The following LRP2 variants were observed in gnomAD, a reference collection of about 807,000 sequenced individuals.
LRP2 encodes the protein low-density lipoprotein receptor-related protein 2.
LRP2 carries 172 observed loss-of-function variants against 531.0 expected under a neutral mutation model. That is an observed-to-expected ratio of 0.32 (90% CI 0.29 to 0.37). The LOEUF (loss-of-function observed/expected upper bound fraction) is 0.37, where lower values mean the gene tolerates loss of function less well. LRP2 is among the 10% of genes least tolerant of loss of function. The probability of loss-of-function intolerance (pLI) is 1.00; values close to 1 mark genes in which losing one functional copy is unlikely to be tolerated. For missense variants in LRP2, 5,167 were observed against 5,868.3 expected (o/e 0.88, Z 3.90); for synonymous variants, 1,992 against 2,027.6 (o/e 0.98, Z 0.47).
chr2:169,177,722 C>A, intron 53 of LRP2, 81 bp downstream of exon 53: 1 of 1,218,390 alleles, frequency 8.2e-7, no homozygotes, highest in Non-Finnish European at 1.2e-6. Context: ...TTTTGTAAAT[C>A]ACGAAGTTCA....
rs751754104 is a variant in LRP2 at position 169,142,824 on chromosome 2, C to T, written c.12989-31G>A. ...AAGCGGGTGAGAACAGCAGTTAGGT[C>T]CTGACAGAATGAATAACCTGAATAC... On this transcript the variant is annotated intron_variant, in intron 70 of 78. Coordinates refer to ENST00000649046, the MANE Select transcript of LRP2 (RefSeq NM_004525.3). 3.1e-6 allele frequency: 5 copies of T among 1,612,688 alleles called. No homozygotes were observed. In the African/African-American group the frequency reaches 5.3e-5, roughly 17 times the overall value.
chr2:169,271,100 C>T lies in LRP2; in HGVS notation c.2124G>A (p.Gln708=). Residue 708 remains glutamine, a synonymous_variant, in exon 16 of 79, where the codon CAG becomes CAA. Transcript: ENST00000649046. ...CTTGGGATGAAAAAATGAGGAAATTCTGAACAGCTGTAGGAAGAATAACAC... is the reference window on the plus strand; with the variant it reads ...CTTGGGATGAAAAAATGAGGAAATTTTGAACAGCTGTAGGAAGAATAACAC... ...DTDERHCIAV[Q]NFLIFSSQVA... is the part of the protein sequence containing the mutation. 6.2e-7 allele frequency: 1 copy of T among 1,611,744 alleles called. No homozygotes were observed. The highest frequency in any genetic ancestry group is 1.7e-5 in the Admixed American group (1 of 59,830).
At chr2:169,239,212 T>C (rs990774480) in intron 26 of LRP2, among the ~76,000 whole-genome samples, 1 of 152,230 alleles carries the variant, frequency 6.6e-6, no homozygotes, top group Non-Finnish European at 1.5e-5. Context: ...CAATTAAGCA[T>C]TATATAAAGA....
intron 68 of LRP2, among the ~76,000 whole-genome samples, chr2:169,150,097 T>C (rs1269966976): frequency 6.6e-6 from 1 of 152,204 alleles, no homozygotes; most frequent in Non-Finnish European, 1.5e-5. Flanking sequence ...GTCAAGTATT[T>C]TTCATATTTC....
At chr2:169,219,799 C>T (rs1688923647) in intron 34 of LRP2, among the ~76,000 whole-genome samples, 2 of 148,922 alleles carry the variant, frequency 1.3e-5, no homozygotes, top group South Asian at 2.2e-4. Flanking sequence ...CCCCCTATAA[C>T]TAAAATAAAA....
intron 9 of LRP2, among the ~76,000 whole-genome samples, chr2:169,286,237 G>T (rs1343474298): frequency 1.3e-5 from 2 of 152,242 alleles, no homozygotes; most frequent in Non-Finnish European, 2.9e-5. Flanking sequence ...TCTGCAGGTG[G>T]CAGGAGGCCT....
intron 46 of LRP2, among the ~76,000 whole-genome samples, chr2:169,194,832 T>C (rs1243905899): frequency 6.7e-6 from 1 of 150,206 alleles, no homozygotes; most frequent in Non-Finnish European, 1.5e-5. Flanking sequence ...GTGATTCTCC[T>C]GCCTGAGTAG....
chr2:169,346,899 G>A (rs530995120), intron 1 of LRP2, among the ~76,000 whole-genome samples: 2 of 152,258 alleles, frequency 1.3e-5, no homozygotes, highest in East Asian at 3.9e-4. Context: ...CTAACTAGAG[G>A]AAGGACAGCC....
chr2:169,137,649 C>CAAAA (rs1160173051), intron 75 of LRP2, among the ~76,000 whole-genome samples, 156 bp from the exon 76 acceptor site: 1 of 45,488 alleles, frequency 2.2e-5, no homozygotes, highest in African/African-American at 6.9e-5. Flanking sequence ...AGAGAACTTG[C>CAAAA]AAAAAAAAAA....
chr2:169,320,818 C>T lies in LRP2; in HGVS notation c.146G>A (p.Gly49Glu), dbSNP rs778689139. ...HCIPADWRCD[G>E]TKDCSDDADE... Reference sequence around the variant, plus strand: ...CGCGTCATCTGAACAGTCTTTGGTCCCATCACACCTCCAGTCTGCAGGGAT... The same window carrying T: ...CGCGTCATCTGAACAGTCTTTGGTCTCATCACACCTCCAGTCTGCAGGGAT... Residue 49 changes from glycine (G) to glutamate (E), a missense_variant, in exon 2 of 79, where the codon GGG becomes GAG. This residue lies in a region of LRP2 where 2,811 missense variants were observed against 3,058.0 expected (regional missense o/e 0.92). Coordinates refer to ENST00000649046, the MANE Select transcript of LRP2 (RefSeq NM_004525.3). 7 of 1,614,140 alleles carry T rather than the reference C, an allele frequency of 4.3e-6. No homozygotes were observed. The East Asian group carries it at 1.3e-4, about 31-fold the overall frequency.
intron 19 of LRP2, among the ~76,000 whole-genome samples, chr2:169,255,666 T>A (rs1690276322): frequency 6.6e-6 from 1 of 152,184 alleles, no homozygotes; most frequent in South Asian, 2.1e-4. Context: ...ATATGTGTAA[T>A]CGTTTTTTCC....
At chr2:169,350,076 GT>G (rs1459835823) in intron 1 of LRP2, among the ~76,000 whole-genome samples, 8 of 152,318 alleles carry the variant, frequency 5.3e-5, no homozygotes, top group African/African-American at 1.7e-4. Context: ...GTGAAAAGTA[GT>G]TGGATTCTAG....
intron 9 of LRP2, among the ~76,000 whole-genome samples, chr2:169,284,346 C>A (rs1210878312): frequency 2.2e-5 from 3 of 138,478 alleles, no homozygotes; most frequent in Non-Finnish European, 3.0e-5. Context: ...CTCACTGCAA[C>A]CTCCGCCTCC....
At chr2:169,222,487 C>T (rs1689055011) in intron 33 of LRP2, among the ~76,000 whole-genome samples, 1 of 152,110 alleles carries the variant, frequency 6.6e-6, no homozygotes, top group African/African-American at 2.4e-5. Flanking sequence ...TCCTGGGACA[C>T]CTTTTCCCTA....
Position 169,244,806 on chromosome 2 carries a change from G to T in LRP2, c.3317C>A (p.Pro1106His). The change falls in exon 22 of 79, where the codon CCT becomes CAT. Residue 1106 changes from proline (P) to histidine (H), a missense_variant. Around this residue, in one of 6 missense-constraint regions of LRP2, gnomAD observed 2,811 missense variants for 3,058.0 expected, o/e 0.92. Coordinates refer to ENST00000649046, the MANE Select transcript of LRP2 (RefSeq NM_004525.3). ...SDEHNCPTHA[P>H]ASCLDTQYTC... ...GTATTGGGTGTCAAGGCAGGAAGCA[G>T]GTGCGTGGGTGGGGCAGTTGTGCTC... 3 of 1,614,236 alleles carry T rather than the reference G, an allele frequency of 1.9e-6. No homozygotes were observed. Among genetic ancestry groups the T allele is most frequent in the Non-Finnish European group, 2.5e-6 (3 of 1,180,054 alleles).
intron 75 of LRP2, 149 bp from the exon 76 acceptor site, chr2:169,137,642 G>C (rs960331062): frequency 9.4e-3 from 674 of 72,010 alleles, no homozygotes; most frequent in East Asian, 0.028. Context: ...ACCCAAAAGA[G>C]AACTTGCAAA....
At chr2:169,245,835 G>C (rs888523476) in intron 21 of LRP2, among the ~76,000 whole-genome samples, 1 of 152,006 alleles carries the variant, frequency 6.6e-6, no homozygotes, top group African/African-American at 2.4e-5. Context: ...CTAAATGTTA[G>C]GTCTACTTTA....
chr2:169,282,007 A>G (rs544065973), intron 10 of LRP2, among the ~76,000 whole-genome samples: 1 of 152,324 alleles, frequency 6.6e-6, no homozygotes, highest in South Asian at 2.1e-4. Flanking sequence ...GGAGGAAGGC[A>G]TTTCACTACA....
rs773628232 is a variant in LRP2, at chr2:169,185,732, G to A, written c.9616C>T (p.Arg3206Cys). The A allele has an allele frequency of 1.7e-5, 28 of 1,613,580 alleles. No individual in the cohort carries two copies. Among genetic ancestry groups the A allele is most frequent in the African/African-American group, 2.7e-5 (2 of 74,766 alleles). Residue 3206 changes from arginine to cysteine, a missense_variant, in exon 50 of 79, where the codon CGT becomes TGT. Around this residue, in one of 6 missense-constraint regions of LRP2, gnomAD observed 1,129 missense variants for 1,362.7 expected, o/e 0.83. Transcript: ENST00000649046. ...ATAGTTAAATTTCTCAAATAGTAACGGTTGCTAAAAATGAGATAGGGTTCG... is the reference window on the plus strand; with the variant it reads ...ATAGTTAAATTTCTCAAATAGTAACAGTTGCTAAAAATGAGATAGGGTTCG... ...NIEPYLIFSN[R>C]YYLRNLTIDG...
Sources: gnomAD v4.1 joint callset for allele counts (sites outside exome capture counted in the v4.1 genomes callset) on GRCh38, gnomAD v4.1.1 for gene constraint, gnomAD v4.1.1 regional missense constraint, MANE v1.5 for transcripts, NCBI Gene and HGNC (gene_info 2026-07-23, HGNC 2026-07-21) for gene names.